JPH2: variants seen among roughly 807,000 people sequenced by gnomAD.
JPH2 encodes the protein junctophilin-2.
In JPH2, 38 loss-of-function variants were observed where a neutral mutation model predicts 55.9. That is an observed-to-expected ratio of 0.68 (90% confidence interval 0.52 to 0.89). The LOEUF is 0.89. Among genes scored for constraint, JPH2 ranks in the 40% least tolerant of loss-of-function variants. The probability of loss-of-function intolerance (pLI) is 0.00; values close to 1 mark genes in which losing one functional copy is unlikely to be tolerated. For missense variants in JPH2, 964 were observed against 1,037.6 expected (o/e 0.93, Z 0.97); for synonymous variants, 480 against 472.4 (o/e 1.02, Z -0.21).
intron 1 of JPH2, among the ~76,000 whole-genome samples, chr20:44,174,254 T>A (rs1398131748): frequency 6.6e-6 from 1 of 152,188 alleles, no homozygotes; most frequent in Non-Finnish European, 1.5e-5. Flanking sequence ...CAGCTGGGAC[T>A]GAAGAACAGG....
At chr20:44,126,201 A>AG in intron 2 of JPH2, among the ~76,000 whole-genome samples, 1 of 100,958 alleles carries the variant, frequency 9.9e-6, no homozygotes, top group Non-Finnish European at 1.9e-5. Context: ...GGAGGAAGGA[A>AG]GGAAGAAGGG....
At position 44,108,559 on chromosome 20, in the gene JPH2, G is replaced by C. The variant is rs1419292377; in HGVS notation, c.*4959C>G. Among the ~76,000 whole-genome samples the C allele has an allele frequency of 6.7e-6, 1 of 149,854 alleles. No homozygotes were observed. Among genetic ancestry groups the C allele is most frequent in the Non-Finnish European group, 1.5e-5 (1 of 67,824 alleles). ...ACTTTACAGCCTCAAGATGTAAATA[G>C]CTTTAAAAGGTCACTAAGAAGTGAC... On this transcript the variant is annotated 3_prime_UTR_variant, in exon 6 of 6. Coordinates refer to ENST00000372980, the MANE Select transcript of JPH2 (RefSeq NM_020433.5).
intron 1 of JPH2, among the ~76,000 whole-genome samples, chr20:44,181,791 GC>G (rs1270013750): frequency 6.6e-6 from 1 of 152,096 alleles, no homozygotes; most frequent in Non-Finnish European, 1.5e-5. Flanking sequence ...CTCCCTGAAT[GC>G]CTGCGTCTGG....
chr20:44,157,934 C>T (rs1334020378), intron 2 of JPH2, among the ~76,000 whole-genome samples: 1 of 152,080 alleles, frequency 6.6e-6, no homozygotes, highest in Non-Finnish European at 1.5e-5. Flanking sequence ...CTGTACCCCA[C>T]TTTTGCTGGG....
intron 1 of JPH2, among the ~76,000 whole-genome samples, chr20:44,178,824 A>G (rs1367437179): frequency 1.3e-5 from 2 of 152,342 alleles, no homozygotes; most frequent in East Asian, 1.9e-4. Flanking sequence ...AAGATATTCT[A>G]TTATGCAAAT....
chr20:44,134,512 T>C lies in JPH2; in HGVS notation c.1170-15889A>G, dbSNP rs866971608. Among the ~76,000 whole-genome samples the C allele has an allele frequency of 2.1e-4, 5 of 24,066 alleles. 1 individual carries two copies. The highest frequency in any genetic ancestry group is 9.7e-4 in the Admixed American group (1 of 1,036). The allele number at this position is 24,066 out of a possible 152,430, so 15.8% of individuals were successfully genotyped here. A position where few individuals can be genotyped will look rare whatever the true frequency, so the allele number is the denominator to read the frequency against. On this transcript the variant is annotated intron_variant, in intron 2 of 5. Coordinates refer to ENST00000372980, the MANE Select transcript of JPH2 (RefSeq NM_020433.5). ...ATATATTTATTATATATAAATAATATATATTTATAATAAATATATATAAAT... is the reference window on the plus strand; with the variant it reads ...ATATATTTATTATATATAAATAATACATATTTATAATAAATATATATAAAT...
chr20:44,158,710 G>C (rs1357290759), intron 2 of JPH2, among the ~76,000 whole-genome samples: 2 of 152,166 alleles, frequency 1.3e-5, no homozygotes, highest in Non-Finnish European at 2.9e-5. Flanking sequence ...ATGGATAGGT[G>C]GGGGAGGTTG....
chr20:44,166,641 G>T (rs1470994864), intron 1 of JPH2, among the ~76,000 whole-genome samples: 3 of 152,194 alleles, frequency 2.0e-5, no homozygotes, highest in African/African-American at 7.2e-5. Context: ...GACACCCAGG[G>T]GAGGCTGGGA....
At chr20:44,144,269 A>G (rs1269410787) in intron 2 of JPH2, among the ~76,000 whole-genome samples, 1 of 152,176 alleles carries the variant, frequency 6.6e-6, no homozygotes, top group Non-Finnish European at 1.5e-5. Flanking sequence ...GATGAAGCTT[A>G]AAGGAGACAG....
Position 44,159,582 on chromosome 20 carries a change from G to C in JPH2, c.1169+36C>G, listed in dbSNP as rs746588597. The stretch of plus-strand genomic sequence containing the variant: ...TGCCCCAGGACCCCCTTCTCCGAGG[G>C]GAGGCGACCCCTTCCCACCCCCACC... On this transcript the variant is annotated intron_variant, in intron 2 of 5. Transcript: ENST00000372980. This position sits in a 1 kb window ranked among gnomAD's most constrained non-coding sequence, Gnocchi z 5.7. The C allele has an allele frequency of 2.1e-5, 33 of 1,578,610 alleles. No individual in the cohort carries two copies. In the South Asian group the frequency reaches 3.4e-4, roughly 16 times the overall value.
rs756407368 is a variant in JPH2, at chr20:44,186,472, C to A, written c.234G>T (p.Gly78=). ...KRHGLGIETK[G]RWLYKGEWTH... is the part of the protein sequence containing the mutation. Reference sequence around the variant, plus strand: ...TCCACTCGCCCTTGTAGAGCCAGCGCCCCTTGGTCTCTATGCCCAGCCCAT... The same window carrying A: ...TCCACTCGCCCTTGTAGAGCCAGCGACCCTTGGTCTCTATGCCCAGCCCAT... The change falls in exon 1 of 6, where the codon GGG becomes GGT. Residue 78 remains glycine, a synonymous_variant. Transcript: ENST00000372980. The A allele has an allele frequency of 5.0e-6, 8 of 1,614,042 alleles. No homozygotes were observed. Among genetic ancestry groups the A allele is most frequent in the African/African-American group, 4.0e-5 (3 of 74,914 alleles).
chr20:44,129,585 C>T (rs2072302425), intron 2 of JPH2, among the ~76,000 whole-genome samples: 1 of 149,668 alleles, frequency 6.7e-6, no homozygotes, highest in East Asian at 2.0e-4. Flanking sequence ...AAAACAAAAC[C>T]ATTGCTGCTT....
At chr20:44,183,144 T>A (rs2072800657) in intron 1 of JPH2, among the ~76,000 whole-genome samples, 1 of 152,188 alleles carries the variant, frequency 6.6e-6, no homozygotes, top group South Asian at 2.1e-4. Flanking sequence ...ATTCTACGCA[T>A]GCCTACAGTG....
chr20:44,121,258 G>A (rs1190144703), intron 2 of JPH2, among the ~76,000 whole-genome samples: 1 of 152,194 alleles, frequency 6.6e-6, no homozygotes, highest in Non-Finnish European at 1.5e-5. Flanking sequence ...AAGACTCTGA[G>A]ACTGAGGAAG....
intron 2 of JPH2, among the ~76,000 whole-genome samples, chr20:44,129,658 A>T: frequency 6.6e-6 from 1 of 152,090 alleles, no homozygotes; most frequent in East Asian, 1.9e-4. Flanking sequence ...GGCCCCAAAG[A>T]TATTTGGTCC....
At position 44,117,903 on chromosome 20, in the gene JPH2, A is replaced by G. The variant is rs908101561; in HGVS notation, c.1288+602T>C. 5.3e-5 allele frequency among the ~76,000 whole-genome samples: 8 copies of G among 152,224 alleles called. 1 individual carries two copies. Among genetic ancestry groups the G allele is most frequent in the African/African-American group, 1.9e-4 (8 of 41,452 alleles). ...AATGTACCTTACATGCATTTAATCC[A>G]TGCACAAAAAAGCAGGCACCATTCT... is the stretch of plus-strand genomic sequence containing the variant. On this transcript the variant is annotated intron_variant, in intron 3 of 5. Transcript: ENST00000372980.
intron 1 of JPH2, chr20:44,177,265 C>T: frequency 1.0e-6 from 1 of 986,070 alleles, no homozygotes; most frequent in Non-Finnish European, 1.2e-6. Flanking sequence ...TCGCCCCACA[C>T]CCCACCCTCA....
intron 1 of JPH2, 114 bp downstream of exon 1, chr20:44,186,213 C>G: frequency 8.1e-7 from 1 of 1,241,238 alleles, no homozygotes; most frequent in Non-Finnish European, 1.1e-6. Context: ...CAGCAAATCA[C>G]TTCCTAGCCC....
chr20:44,173,440 C>T (rs137970705), intron 1 of JPH2, among the ~76,000 whole-genome samples: 134 of 152,252 alleles, frequency 8.8e-4, no homozygotes, highest in Admixed American at 1.8e-3. Context: ...AACCAATCAA[C>T]ATTTCCCTCT....
Sources: gnomAD v4.1 joint callset for allele counts (sites outside exome capture counted in the v4.1 genomes callset) on GRCh38, gnomAD v4.1.1 for gene constraint, Gnocchi (gnomAD v3.1) non-coding constraint, MANE v1.5 for transcripts, NCBI Gene and HGNC (gene_info 2026-07-23, HGNC 2026-07-21) for gene names.